The following CD163L1 variants were observed in gnomAD, a reference collection of about 807,000 sequenced individuals.
CD163L1 encodes scavenger receptor cysteine-rich type 1 protein M160.
Under a neutral mutation model 165.4 loss-of-function variants are expected in CD163L1, and 124 were observed. The ratio of observed to expected loss-of-function variants is 0.75; its 90% CI spans 0.65 to 0.87. The LOEUF is 0.87. Ranked by LOEUF, CD163L1 falls within the 40% of genes least tolerant of loss-of-function variation. The pLI is 0.00. For synonymous variants in CD163L1, 585 were observed against 662.2 expected (o/e 0.88, Z 1.79); for missense variants, 1,525 against 1,799.9 (o/e 0.85, Z 2.76).
At position 7,441,142 on chromosome 12, in the gene CD163L1, A is replaced by G. The variant is rs1948826451; in HGVS notation, c.124+12T>C. The G allele has an allele frequency of 1.3e-6, 2 of 1,598,984 alleles. No homozygotes were observed. Among genetic ancestry groups the G allele is most frequent in the Non-Finnish European group, 1.7e-6 (2 of 1,166,284 alleles). On this transcript the variant is annotated intron_variant, in intron 2 of 19. Coordinates refer to ENST00000313599, the MANE Select transcript of CD163L1 (RefSeq NM_174941.6). The stretch of plus-strand genomic sequence containing the variant: ...ATTGTAAGCCCAAAAGTTATCATCC[A>G]TCAGAACTCACTAAAACTGCTGATG...
At position 7,367,237 on chromosome 12, in the gene CD163L1, T is replaced by G; in HGVS notation, c.4278A>C (p.Ser1426=). The G allele has an allele frequency of 6.2e-7, 1 of 1,608,246 alleles. No individual in the cohort carries two copies. The highest frequency in any genetic ancestry group is 8.5e-7 in the Non-Finnish European group (1 of 1,175,054). Residue 1426 remains serine (S), a splice_region_variant and synonymous_variant, in exon 18 of 20, where the codon TCA becomes TCC. Coordinates refer to ENST00000313599, the MANE Select transcript of CD163L1 (RefSeq NM_174941.6). ...KREDPHGTRT[S]DDTPNHGCED... ...TGCGGCCCCTGGAGTTGCACAGACC[T>G]GAGGTTCTTGTCCCATGTGGGTCCT...
intron 2 of CD163L1, among the ~76,000 whole-genome samples, chr12:7,437,951 A>G (rs1446099298): frequency 6.6e-6 from 1 of 151,876 alleles, no homozygotes; most frequent in Non-Finnish European, 1.5e-5. Flanking sequence ...GTCTTAACCA[A>G]TCATGACTAT....
chr12:7,384,098 G>A (rs765415796), intron 8 of CD163L1, among the ~76,000 whole-genome samples: 15 of 151,508 alleles, frequency 9.9e-5, no homozygotes, highest in Non-Finnish European at 1.9e-4. Flanking sequence ...ATGTTAATGA[G>A]AAATTCAACA....
downstream of CD163L1, among the ~76,000 whole-genome samples, chr12:7,342,773 AC>A (rs763786711): frequency 1.1e-3 from 160 of 152,336 alleles, no homozygotes; most frequent in Non-Finnish European, 1.7e-3. Flanking sequence ...AGCTGGGACT[AC>A]AGGCAAGTGG....
intron 4 of CD163L1, among the ~76,000 whole-genome samples, chr12:7,408,639 G>T (rs1948076215): frequency 6.6e-6 from 1 of 152,072 alleles, no homozygotes; most frequent in Non-Finnish European, 1.5e-5. Context: ...TAACTATTTA[G>T]ATGTTCTTTT....
rs758569848 is a variant in CD163L1 at position 7,394,825 on chromosome 12, C to G, written c.2050+1270G>C. ...TCTCAAAAGAAGACATCTATGCATC[C>G]AACAGACACATGAGAAAATGCTCAT... is the stretch of plus-strand genomic sequence containing the variant. On this transcript the variant is annotated intron_variant, in intron 8 of 19. Coordinates refer to ENST00000313599, the MANE Select transcript of CD163L1 (RefSeq NM_174941.6). 1.9e-3 allele frequency among the ~76,000 whole-genome samples: 284 copies of G among 152,188 alleles called. 3 individuals carry two copies. Among genetic ancestry groups the G allele is most frequent in the African/African-American group, 6.4e-3 (264 of 41,540 alleles).
At chr12:7,326,159 G>T in the CD163L1 span, among the ~76,000 whole-genome samples, 1 of 152,154 alleles carries the variant, frequency 6.6e-6, no homozygotes, top group Non-Finnish European at 1.5e-5. Context: ...AGGCAAAAAA[G>T]ACCTCACATA....
intron 2 of CD163L1, chr12:7,439,550 C>T (rs1948785767): frequency 3.2e-6 from 5 of 1,573,402 alleles, no homozygotes; most frequent in Non-Finnish European, 3.4e-6. Context: ...GGGGAAGTAT[C>T]TTCTTTTGTC....
the CD163L1 span, chr12:7,323,383 G>A: frequency 6.3e-7 from 1 of 1,593,334 alleles, no homozygotes. Flanking sequence ...GCTATTCATT[G>A]CACAACTATT....
Position 7,373,489 on chromosome 12 carries a change from C to T in CD163L1, c.3561G>A (p.Gly1187=). 6.2e-7 allele frequency: 1 copy of T among 1,614,178 alleles called. No homozygotes were observed. The highest frequency in any genetic ancestry group is 8.5e-7 in the Non-Finnish European group (1 of 1,180,026). ...GGGCGAGGCTGACAACTCCATTCTCCCCACAGCCCAGCTGCCTGCACACAA... is the reference window on the plus strand; with the variant it reads ...GGGCGAGGCTGACAACTCCATTCTCTCCACAGCCCAGCTGCCTGCACACAA... ...AGIVCRQLGC[G]ENGVVSLAPL... is the part of the protein sequence containing the mutation. The change falls in exon 14 of 20, where the codon GGG becomes GGA. Residue 1187 remains glycine, a synonymous_variant. Transcript: ENST00000313599.
chr12:7,443,997 T>A (rs887342811), intron 1 of CD163L1, 100 bp downstream of exon 1: 2 of 1,164,398 alleles, frequency 1.7e-6, no homozygotes, highest in Non-Finnish European at 2.5e-6. Context: ...GTTTTCTTTT[T>A]ACCTTACTAC....
At chr12:7,367,536 A>C in intron 17 of CD163L1, 1 of 419,928 alleles carries the variant, frequency 2.4e-6, no homozygotes, top group South Asian at 3.9e-5. Flanking sequence ...CACTTTTATT[A>C]CCAAGTTCTT....
At chr12:7,399,935 G>A (rs1407590471) in intron 6 of CD163L1, among the ~76,000 whole-genome samples, 1 of 152,106 alleles carries the variant, frequency 6.6e-6, no homozygotes, top group Non-Finnish European at 1.5e-5. Context: ...TATAGGAAAG[G>A]TATAATATTT....
intron 18 of CD163L1, among the ~76,000 whole-genome samples, chr12:7,366,056 A>C (rs1181771048): frequency 3.3e-5 from 5 of 152,150 alleles, no homozygotes; most frequent in African/African-American, 4.8e-5. Context: ...ATATATACGC[A>C]CACATTTTTA....
At chr12:7,421,559 ATATG>A (rs1948420101) in intron 4 of CD163L1, among the ~76,000 whole-genome samples, 1 of 114,724 alleles carries the variant, frequency 8.7e-6, no homozygotes, top group Non-Finnish European at 1.6e-5. Context: ...ACATATACAT[ATATG>A]TACATATATA....
intron 4 of CD163L1, among the ~76,000 whole-genome samples, chr12:7,415,478 C>A (rs1046480296): frequency 6.6e-6 from 1 of 152,030 alleles, no homozygotes; most frequent in African/African-American, 2.4e-5. Flanking sequence ...GCAGAACATG[C>A]AGGTTTGTTA....
In CD163L1 at chr12:7,400,541, A is replaced by G. The variant is rs1036984615; in HGVS notation, c.1409-1957T>C. ...GTATTTTAATAGACTGGGTTTTGCTATGTTGCCCAGGCTGGAGTGGAGTGG... is the reference window on the plus strand; with the variant it reads ...GTATTTTAATAGACTGGGTTTTGCTGTGTTGCCCAGGCTGGAGTGGAGTGG... On this transcript the variant is annotated intron_variant, in intron 6 of 19. Coordinates refer to ENST00000313599, the MANE Select transcript of CD163L1 (RefSeq NM_174941.6). This position sits in a 1 kb window ranked among gnomAD's most constrained non-coding sequence, Gnocchi z 4.1. Among the ~76,000 whole-genome samples, 1 of 152,100 alleles carries G rather than the reference A, an allele frequency of 6.6e-6. No individual in the cohort carries two copies. Among genetic ancestry groups the G allele is most frequent in the Non-Finnish European group, 1.5e-5 (1 of 68,000 alleles).
At chr12:7,332,227 T>C in the CD163L1 span, among the ~76,000 whole-genome samples, 4 of 151,928 alleles carry the variant, frequency 2.6e-5, no homozygotes, top group Non-Finnish European at 4.4e-5. Context: ...AAGAGAAGTT[T>C]AGAGAAAAAA....
chr12:7,320,423 T>C, the CD163L1 span, among the ~76,000 whole-genome samples: 4 of 152,204 alleles, frequency 2.6e-5, no homozygotes, highest in Non-Finnish European at 5.9e-5. Context: ...GTTGTAGCCC[T>C]GAGGAAGAAT....
Sources: allele counts gnomAD v4.1 joint callset (sites outside exome capture counted in the v4.1 genomes callset), GRCh38; gene constraint gnomAD v4.1.1; non-coding constraint Gnocchi (gnomAD v3.1); transcripts MANE v1.5; gene names NCBI Gene and HGNC (gene_info 2026-07-23, HGNC 2026-07-21).